Variants in CFAP107 observed in about 807,000 individuals in gnomAD.
The protein encoded by CFAP107 is cilia and flagella associated protein 107.
At chr1:12,760,581 G>A in the CFAP107 span, among the ~76,000 whole-genome samples, 1 of 152,206 alleles carries the variant, frequency 6.6e-6, no homozygotes, top group African/African-American at 2.4e-5. Flanking sequence ...CCTTGAGACC[G>A]CCAGGGGCTG....
the CFAP107 span, among the ~76,000 whole-genome samples, chr1:12,752,084 G>A: frequency 6.5e-4 from 99 of 152,264 alleles, 1 homozygote; most frequent in African/African-American, 2.3e-3. Flanking sequence ...TATTGAAGAG[G>A]AAGAAATAAA....
At chr1:12,760,246 A>G in the CFAP107 span, among the ~76,000 whole-genome samples, 2 of 152,150 alleles carry the variant, frequency 1.3e-5, no homozygotes, top group South Asian at 2.1e-4. Context: ...CTTGGAATGC[A>G]CTTTTGTAGG....
the CFAP107 span, chr1:12,755,831 C>G: frequency 1.3e-6 from 2 of 1,533,778 alleles, no homozygotes; most frequent in Non-Finnish European, 1.8e-6. Flanking sequence ...GGAGTGGCAA[C>G]TGGGACACTC....
chr1:12,760,884 C>A, the CFAP107 span: 88 of 1,614,058 alleles, frequency 5.5e-5, no homozygotes, highest in Non-Finnish European at 7.3e-5. Flanking sequence ...CCGTTGTGCG[C>A]TATGTCCTGG....
At chr1:12,757,661 C>T in the CFAP107 span, among the ~76,000 whole-genome samples, 1 of 152,184 alleles carries the variant, frequency 6.6e-6, no homozygotes, top group Admixed American at 6.5e-5. Context: ...GCTGGGATTA[C>T]AGGCGTGAGC....
At chr1:12,757,973 A>G in the CFAP107 span, among the ~76,000 whole-genome samples, 7 of 152,146 alleles carry the variant, frequency 4.6e-5, 1 homozygote, top group African/African-American at 1.7e-4. Flanking sequence ...AGGGCCAAGT[A>G]GTGGACACTA....
the CFAP107 span, chr1:12,746,416 G>A: frequency 7.7e-5 from 124 of 1,603,210 alleles, no homozygotes; most frequent in Non-Finnish European, 9.6e-5. Flanking sequence ...AAGAAACCTG[G>A]GGCAAATCCT....
the CFAP107 span, among the ~76,000 whole-genome samples, chr1:12,750,701 C>G: frequency 6.6e-6 from 1 of 151,942 alleles, no homozygotes; most frequent in African/African-American, 2.4e-5. Flanking sequence ...ATGTACACAC[C>G]AAATATTAGA....
At chr1:12,748,706 A>T in the CFAP107 span, among the ~76,000 whole-genome samples, 28 of 152,258 alleles carry the variant, frequency 1.8e-4, no homozygotes, top group African/African-American at 6.3e-4. Flanking sequence ...AAAGTGGCCC[A>T]TCCAAAGGAA....
the CFAP107 span, chr1:12,761,328 G>A: frequency 6.0e-6 from 1 of 165,428 alleles, no homozygotes; most frequent in African/African-American, 2.4e-5. Context: ...AAATGAATCT[G>A]ATGATGAAAC....
the CFAP107 span, chr1:12,746,620 T>C: frequency 9.8e-7 from 1 of 1,023,816 alleles, no homozygotes; most frequent in Non-Finnish European, 1.5e-6. Context: ...ATCACTATTT[T>C]CAAATGGAGG....
At chr1:12,759,082 G>A in the CFAP107 span, among the ~76,000 whole-genome samples, 2 of 152,142 alleles carry the variant, frequency 1.3e-5, no homozygotes, top group Non-Finnish European at 2.9e-5. Flanking sequence ...CTTGGCATGG[G>A]ACCGGCCATA....
At chr1:12,760,772 C>T in the CFAP107 span, 2 of 1,612,630 alleles carry the variant, frequency 1.2e-6, no homozygotes, top group East Asian at 4.5e-5. Flanking sequence ...TCTTGCAGCT[C>T]CCCCTACAAA....
chr1:12,759,905 T>C, the CFAP107 span, among the ~76,000 whole-genome samples: 1 of 152,068 alleles, frequency 6.6e-6, no homozygotes, highest in Non-Finnish European at 1.5e-5. Flanking sequence ...TAAGACACCA[T>C]TAAAAAGTAA....
the CFAP107 span, among the ~76,000 whole-genome samples, chr1:12,751,219 A>G: frequency 2.6e-5 from 4 of 152,294 alleles, no homozygotes; most frequent in Admixed American, 2.6e-4. Flanking sequence ...ACACTTTAAG[A>G]AAACAGAAAA....
the CFAP107 span, among the ~76,000 whole-genome samples, chr1:12,755,356 G>A: frequency 1.3e-5 from 2 of 151,900 alleles, no homozygotes; most frequent in African/African-American, 4.8e-5. Flanking sequence ...AGTGAGCCGA[G>A]ATTGCGCCAC....
At chr1:12,757,795 T>G in the CFAP107 span, among the ~76,000 whole-genome samples, 20 of 152,116 alleles carry the variant, frequency 1.3e-4, no homozygotes, top group Non-Finnish European at 1.2e-4. Context: ...CTCTTCTGTT[T>G]GCTTCATGTT....
chr1:12,758,602 A>G, the CFAP107 span, among the ~76,000 whole-genome samples: 14 of 152,176 alleles, frequency 9.2e-5, no homozygotes, highest in Non-Finnish European at 1.2e-4. Context: ...TGCTCCAGAC[A>G]AGAGGGCAAG....
chr1:12,760,244 G>A, the CFAP107 span, among the ~76,000 whole-genome samples: 9 of 152,186 alleles, frequency 5.9e-5, no homozygotes, highest in African/African-American at 1.9e-4. Flanking sequence ...GACTTGGAAT[G>A]CACTTTTGTA....
Sources: allele counts gnomAD v4.1 joint callset (sites outside exome capture counted in the v4.1 genomes callset), GRCh38; gene constraint gnomAD v4.1.1; transcripts MANE v1.5; gene names NCBI Gene and HGNC (gene_info 2026-07-23, HGNC 2026-07-21).